CD8B: variants seen among roughly 807,000 people sequenced by gnomAD.
CD8B encodes CD8 subunit beta.
Under a neutral mutation model 24.2 loss-of-function variants are expected in CD8B, and 6 were observed. The observed-to-expected ratio is 0.25, with a 90% CI of 0.14 to 0.49. The LOEUF (loss-of-function observed/expected upper bound fraction) is 0.49. Ranked by LOEUF, CD8B falls within the 20% of genes least tolerant of loss-of-function variation. CD8B has a pLI of 0.98. For missense variants in CD8B, 196 were observed against 271.3 expected, an observed-to-expected ratio of 0.72 and a Z score of 1.95; for synonymous variants, 84 against 108.3, an observed-to-expected ratio of 0.78 and a Z score of 1.39.
intron 3 of CD8B, among the ~76,000 whole-genome samples, chr2:86,851,090 CA>C (rs111384074): frequency 0.028 from 3,011 of 106,636 alleles, 79 homozygotes; most frequent in African/African-American, 0.089. Flanking sequence ...GACTCCATTT[CA>C]AAAAAAAAAA....
rs1027597679 is a variant in CD8B at position 86,861,858 on chromosome 2, G to C, written c.8C>G (p.Pro3Arg). 2.3e-6 allele frequency: 3 copies of C among 1,282,754 alleles called. No homozygotes were observed. Among genetic ancestry groups the C allele is most frequent in the East Asian group, 6.3e-5 (2 of 31,754 alleles). The allele number at this position is 1,282,754 out of a possible 1,614,324, so 79.5% of individuals were successfully genotyped here. The stretch of plus-strand genomic sequence containing the variant: ...CGCGGCCAAGAGGAGCCACAGCCGC[G>C]GCCGCATCGTGGCGCGCCCGGGACA... MR[P>R]RLWLLLAAQL... The change falls in exon 1 of 6, where the codon CCG (proline) becomes CGG (arginine). Residue 3 changes from proline to arginine, a missense_variant. By Grantham distance (103) the Pro-to-Arg change is moderately radical. Coordinates refer to ENST00000390655, the MANE Select transcript of CD8B (RefSeq NM_004931.5).
At chr2:86,836,606 C>T (rs1435383242), downstream of CD8B, among the ~76,000 whole-genome samples, 1 of 151,058 alleles carries the variant, frequency 6.6e-6, no homozygotes, top group Non-Finnish European at 1.5e-5. Flanking sequence ...GGCAACATAG[C>T]GAGACCTCAT....
chr2:86,820,348 TTTG>T (rs971105201), intron 5 of CD8B, among the ~76,000 whole-genome samples: 2 of 152,212 alleles, frequency 1.3e-5, no homozygotes, highest in African/African-American at 4.8e-5. Flanking sequence ...TGTGGCAAGA[TTTG>T]TTGTTGTCCT....
At chr2:86,843,613 T>G in intron 5 of CD8B, 2 of 981,868 alleles carry the variant, frequency 2.0e-6, no homozygotes, top group Non-Finnish European at 1.2e-6. Context: ...TAATATGAAT[T>G]TATATGGCTA....
At chr2:86,822,877 A>T (rs868268753) in intron 5 of CD8B, among the ~76,000 whole-genome samples, 1 of 152,210 alleles carries the variant, frequency 6.6e-6, no homozygotes. Context: ...CCACTTACTC[A>T]TATGTTGTCT....
At chr2:86,833,488 CCTCTCCTCCCCTCCCCTCCG>C (rs1385219419), downstream of CD8B, among the ~76,000 whole-genome samples, 206 of 114,872 alleles carry the variant, frequency 1.8e-3, 1 homozygote, top group Middle Eastern at 5.1e-3. Flanking sequence ...CCTCTCCTCT[CCTCTCCTCCCCTCCCCTCCG>C]CTCTCCTCCC....
chr2:86,833,668 T>TG (rs1315629285), downstream of CD8B, among the ~76,000 whole-genome samples: 2 of 116,234 alleles, frequency 1.7e-5, no homozygotes, highest in South Asian at 2.9e-4. Context: ...TTCCTTTTCT[T>TG]GGGGGGCAGT....
chr2:86,851,930 T>G (rs1271966628), intron 3 of CD8B, among the ~76,000 whole-genome samples: 2 of 152,216 alleles, frequency 1.3e-5, no homozygotes, highest in Non-Finnish European at 2.9e-5. Context: ...ATTCATGAAC[T>G]AGCACATACT....
chr2:86,822,247 AGAT>A, intron 5 of CD8B: 1 of 803,660 alleles, frequency 1.2e-6, no homozygotes, highest in Non-Finnish European at 2.0e-6. Context: ...AAAAAAAAAA[AGAT>A]GATATCTGTT....
chr2:86,816,757 T>C (rs1674264088), intron 5 of CD8B, among the ~76,000 whole-genome samples: 1 of 152,228 alleles, frequency 6.6e-6, no homozygotes, highest in Admixed American at 6.5e-5. Context: ...GTTTCAAAAC[T>C]TTTTTAAAAA....
chr2:86,826,799 A>G (rs756390999), intron 5 of CD8B, among the ~76,000 whole-genome samples: 4 of 150,856 alleles, frequency 2.7e-5, no homozygotes, highest in Non-Finnish European at 4.4e-5. Context: ...TGGTTCACAC[A>G]TGTAGACATG....
At chr2:86,855,493 A>G (rs570909881) in intron 2 of CD8B, among the ~76,000 whole-genome samples, 1 of 152,234 alleles carries the variant, frequency 6.6e-6, no homozygotes, top group Non-Finnish European at 1.5e-5. Flanking sequence ...CTGCAGAGCC[A>G]GTATCTGCAC....
intron 5 of CD8B, chr2:86,822,191 T>A: frequency 1.7e-6 from 1 of 575,440 alleles, no homozygotes; most frequent in Non-Finnish European, 3.1e-6. Flanking sequence ...TAACACAAAA[T>A]TATATCAGTG....
At chr2:86,855,334 C>T (rs1173401919) in intron 2 of CD8B, among the ~76,000 whole-genome samples, 6 of 152,200 alleles carry the variant, frequency 3.9e-5, no homozygotes, top group African/African-American at 1.4e-4. Context: ...TAAGCTCCAA[C>T]CATGTGTGGG....
chr2:86,852,896 G>T, intron 3 of CD8B, 101 bp downstream of exon 3: 1 of 1,421,828 alleles, frequency 7.0e-7, no homozygotes, highest in Non-Finnish European at 9.4e-7. Context: ...AGGCTCTAGA[G>T]TTGACACTTG....
chr2:86,821,940 G>A (rs1006673515), intron 5 of CD8B, among the ~76,000 whole-genome samples: 3 of 152,248 alleles, frequency 2.0e-5, no homozygotes, highest in South Asian at 2.1e-4. Context: ...AAGGGCTGGC[G>A]CAGGCTTGGG....
chr2:86,841,723 T>C lies in CD8B; in HGVS notation c.*584A>G. ...AGAGTAGAAATGGGAGCTGAGAAGA[T>C]GAAGTGAACTCCTATCCTCAAACCC... On this transcript the variant is annotated 3_prime_UTR_variant, in exon 6 of 6. Transcript: ENST00000390655. 3.0e-6 allele frequency: 3 copies of C among 985,346 alleles called. No individual in the cohort carries two copies. The South Asian group carries it at 1.4e-4, about 46-fold the overall frequency. 61.0% of individuals were successfully genotyped at this position (985,346 alleles called of 1,614,324 possible). A position where few individuals can be genotyped will look rare whatever the true frequency, so the allele number is the denominator to read the frequency against.
chr2:86,852,237 G>T (rs181513602), intron 3 of CD8B, among the ~76,000 whole-genome samples: 2,014 of 152,316 alleles, frequency 0.013, 25 homozygotes, highest in Non-Finnish European at 0.022. Flanking sequence ...AAAGTGCTGG[G>T]ATTACAGGTG....
chr2:86,818,224 AT>A (rs202036824), intron 5 of CD8B, among the ~76,000 whole-genome samples: 10 of 152,050 alleles, frequency 6.6e-5, no homozygotes, highest in African/African-American at 2.4e-4. Context: ...AAATAAATAA[AT>A]AAAAATAAAT....
Sources: gnomAD v4.1 joint callset for allele counts (sites outside exome capture counted in the v4.1 genomes callset) on GRCh38, gnomAD v4.1.1 for gene constraint, MANE v1.5 for transcripts, NCBI Gene and HGNC (gene_info 2026-07-23, HGNC 2026-07-21) for gene names.